NOTO: variants seen among roughly 807,000 people sequenced by gnomAD.
NOTO encodes the protein notochord homeobox.
A neutral mutation model predicts 20.5 loss-of-function variants in NOTO; 19 were observed. The observed-to-expected ratio is 0.93, with a 90% confidence interval of 0.65 to 1.36. The LOEUF is 1.36. Among genes scored for constraint, NOTO ranks in the 40% most tolerant of loss-of-function variants. The pLI is 0.00. For synonymous variants in NOTO, 150 were observed against 150.2 expected (o/e 1.00, Z 0.01); for missense variants, 369 against 336.2 (o/e 1.10, Z -0.76).
intron 1 of NOTO, among the ~76,000 whole-genome samples, chr2:73,204,949 C>A (rs1258391177): frequency 1.4e-5 from 2 of 144,656 alleles, no homozygotes; most frequent in African/African-American, 5.2e-5. Context: ...GGTGCAATCT[C>A]GGCTCACTGC....
intron 1 of NOTO, among the ~76,000 whole-genome samples, chr2:73,207,743 C>T (rs1345199495): frequency 1.3e-5 from 2 of 151,894 alleles, no homozygotes; most frequent in South Asian, 2.1e-4. Flanking sequence ...TTAGTAGAGA[C>T]GGGGTTTCAC....
At chr2:73,205,563 C>T (rs1360976390) in intron 1 of NOTO, among the ~76,000 whole-genome samples, 1 of 152,116 alleles carries the variant, frequency 6.6e-6, no homozygotes, top group African/African-American at 2.4e-5. Flanking sequence ...TGTGTATTGG[C>T]CTTTGACTTT....
At chr2:73,204,870 A>ATTTTT (rs763001329) in intron 1 of NOTO, among the ~76,000 whole-genome samples, 5,042 of 91,626 alleles carry the variant, frequency 0.055, 636 homozygotes, top group African/African-American at 0.084. Flanking sequence ...TGCCCGGCTA[A>ATTTTT]TTTTTTTTAT....
Position 73,211,950 on chromosome 2 carries a change from A to C in NOTO, c.*1021A>C, listed in dbSNP as rs751256928. 18 of 152,128 alleles carry C rather than the reference A, an allele frequency of 1.2e-4. No individual in the cohort carries two copies. Among genetic ancestry groups the C allele is most frequent in the Non-Finnish European group, 2.4e-4 (16 of 68,026 alleles). The allele number at this position is 152,128 out of a possible 1,614,324, so 9.4% of individuals were successfully genotyped here. ...AGCTCCCCTCACCTGGGGGAGTAAT[A>C]CCTGTACCAGCAATTAATATTTTCC... On this transcript the variant is annotated 3_prime_UTR_variant, in exon 3 of 3. Coordinates refer to ENST00000398468, the MANE Select transcript of NOTO (RefSeq NM_001134462.2).
chr2:73,204,321 T>G (rs912416022), intron 1 of NOTO, among the ~76,000 whole-genome samples: 2 of 152,162 alleles, frequency 1.3e-5, no homozygotes, highest in African/African-American at 4.8e-5. Context: ...GAGGGAACTT[T>G]GCCTTCTAGC....
At chr2:73,209,038 T>A (rs1437563747) in intron 2 of NOTO, among the ~76,000 whole-genome samples, 2 of 151,512 alleles carry the variant, frequency 1.3e-5, no homozygotes, top group African/African-American at 4.8e-5. Context: ...TACAAAAAAA[T>A]CAGCTGGGTG....
intron 1 of NOTO, 24 bp from the exon 2 acceptor site, chr2:73,208,376 C>T (rs981687504): frequency 1.3e-6 from 2 of 1,519,758 alleles, no homozygotes; most frequent in Non-Finnish European, 1.8e-6. Context: ...TGGATAACCT[C>T]CCCTGCTGCT....
chr2:73,202,697 C>T lies in NOTO; in HGVS notation c.31C>T (p.Pro11Ser). Residue 11 changes from proline (P) to serine (S), a missense_variant, in exon 1 of 3, where the codon CCA (proline) becomes TCA (serine). Pro to Ser is a moderately conservative substitution (Grantham distance 74). Transcript: ENST00000398468. Reference protein sequence around the residue: MPSPRPRGSPPPAPSGSRVRP... With the variant: MPSPRPRGSPSPAPSGSRVRP... Reference sequence around the variant, plus strand: ...TAGCCCCAGGCCGCGAGGCAGCCCGCCACCCGCTCCCTCGGGCTCTCGGGT... The same window carrying T: ...TAGCCCCAGGCCGCGAGGCAGCCCGTCACCCGCTCCCTCGGGCTCTCGGGT... 1 of 1,510,944 alleles carries T rather than the reference C, an allele frequency of 6.6e-7. No homozygotes were observed. Among genetic ancestry groups the T allele is most frequent in the Non-Finnish European group, 8.8e-7 (1 of 1,136,238 alleles). 93.6% of individuals were successfully genotyped at this position (1,510,944 alleles called of 1,614,324 possible).
chr2:73,204,990 C>T (rs1686070712), intron 1 of NOTO, among the ~76,000 whole-genome samples: 1 of 151,334 alleles, frequency 6.6e-6, no homozygotes, highest in South Asian at 2.1e-4. Flanking sequence ...ACGCCATTCT[C>T]CTGCCTCAGC....
At chr2:73,210,138 C>G (rs1191514849) in intron 2 of NOTO, among the ~76,000 whole-genome samples, 1 of 152,212 alleles carries the variant, frequency 6.6e-6, no homozygotes, top group Non-Finnish European at 1.5e-5. Context: ...ACGTAAAAGC[C>G]TCATGGGTGA....
At chr2:73,204,707 T>A (rs938248509) in intron 1 of NOTO, among the ~76,000 whole-genome samples, 5 of 151,878 alleles carry the variant, frequency 3.3e-5, no homozygotes, top group African/African-American at 9.7e-5. Flanking sequence ...TCTTTTGTTC[T>A]GTTTTGTTTT....
chr2:73,206,565 C>A (rs1471580328), intron 1 of NOTO, among the ~76,000 whole-genome samples: 1 of 152,022 alleles, frequency 6.6e-6, no homozygotes, highest in Non-Finnish European at 1.5e-5. Flanking sequence ...TCTCAAACTC[C>A]TGGGCTCAAG....
At chr2:73,208,374 C>T in intron 1 of NOTO, 26 bp from the exon 2 acceptor site, 2 of 1,514,320 alleles carry the variant, frequency 1.3e-6, no homozygotes, top group Non-Finnish European at 1.8e-6. Flanking sequence ...GCTGGATAAC[C>T]TCCCCTGCTG....
At chr2:73,204,372 GC>G (rs1686057273) in intron 1 of NOTO, among the ~76,000 whole-genome samples, 1 of 152,164 alleles carries the variant, frequency 6.6e-6, no homozygotes, top group Non-Finnish European at 1.5e-5. Context: ...ATTTTTGGTT[GC>G]CAGGTTCATG....
At chr2:73,203,507 G>T (rs1320730533) in intron 1 of NOTO, among the ~76,000 whole-genome samples, 1 of 152,000 alleles carries the variant, frequency 6.6e-6, no homozygotes, top group Non-Finnish European at 1.5e-5. Context: ...GCTCCGGGCG[G>T]TGCTGTTGAG....
chr2:73,204,289 TCAA>T (rs1468241602), intron 1 of NOTO, among the ~76,000 whole-genome samples: 1 of 151,618 alleles, frequency 6.6e-6, no homozygotes, highest in Non-Finnish European at 1.5e-5. Flanking sequence ...AACAAACAAA[TCAA>T]CAAAAAAAAG....
chr2:73,203,477 C>T (rs1405163682), intron 1 of NOTO, among the ~76,000 whole-genome samples: 5 of 150,068 alleles, frequency 3.3e-5, no homozygotes, highest in South Asian at 4.2e-4. Context: ...TTTTTTTTTA[C>T]GGGGTAGGGG....
chr2:73,207,578 G>C (rs922714029), intron 1 of NOTO, among the ~76,000 whole-genome samples: 7 of 151,898 alleles, frequency 4.6e-5, no homozygotes, highest in Non-Finnish European at 7.4e-5. Flanking sequence ...AATTGAGACA[G>C]AGTCTTGCAC....
chr2:73,208,555 A>C lies in NOTO; in HGVS notation c.538A>C (p.Asn180His), dbSNP rs147100544. 1 of 1,551,512 alleles carries C rather than the reference A, an allele frequency of 6.4e-7. No individual in the cohort carries two copies. Among genetic ancestry groups the C allele is most frequent in the Non-Finnish European group, 8.7e-7 (1 of 1,146,982 alleles). Reference sequence around the variant, plus strand: ...GGAGAAAGTGTTTGCAAAACAGCACAATCTGGTGGGGAAGAAGAGAGCCCA... The same window carrying C: ...GGAGAAAGTGTTTGCAAAACAGCACCATCTGGTGGGGAAGAAGAGAGCCCA... ...ELEKVFAKQH[N>H]LVGKKRAQLA... Residue 180 changes from asparagine (N) to histidine (H), a missense_variant, in exon 2 of 3, where the codon AAT (asparagine) becomes CAT (histidine). Asn to His is a moderately conservative substitution (Grantham distance 68). Coordinates refer to ENST00000398468, the MANE Select transcript of NOTO (RefSeq NM_001134462.2).
Sources: gnomAD v4.1 joint callset for allele counts (sites outside exome capture counted in the v4.1 genomes callset) on GRCh38, gnomAD v4.1.1 for gene constraint, MANE v1.5 for transcripts, NCBI Gene and HGNC (gene_info 2026-07-23, HGNC 2026-07-21) for gene names.